Variants in IGF2R observed in about 807,000 individuals in gnomAD.
IGF2R encodes the protein cation-independent mannose-6-phosphate receptor.
A neutral mutation model predicts 270.6 loss-of-function variants in IGF2R; 91 were observed. The observed-to-expected ratio is 0.34, with a 90% confidence interval of 0.28 to 0.40. The LOEUF is 0.40. IGF2R is among the 10% of genes least tolerant of loss of function. IGF2R has a pLI of 1.00. For missense variants in IGF2R, 2,805 were observed against 3,188.3 expected (o/e 0.88, Z 2.90); for synonymous variants, 1,316 against 1,258.9 (o/e 1.05, Z -0.96).
rs2115251351 is a variant in IGF2R, at chr6:160,050,444, A to G, written c.2515-29A>G. On this transcript the variant is annotated intron_variant, in intron 18 of 47. Coordinates refer to ENST00000356956, the MANE Select transcript of IGF2R (RefSeq NM_000876.4). This position sits in a 1 kb window ranked among gnomAD's most constrained non-coding sequence, Gnocchi z 4.0. ...CGAATCGACTGTATCTTCAGGGGGAAAAGCCTAACAAGACTGGTTTTCTTG... is the reference window on the plus strand; with the variant it reads ...CGAATCGACTGTATCTTCAGGGGGAGAAGCCTAACAAGACTGGTTTTCTTG... 1 of 1,588,634 alleles carries G rather than the reference A, an allele frequency of 6.3e-7. No homozygotes were observed. Among genetic ancestry groups the G allele is most frequent in the Non-Finnish European group, 8.6e-7 (1 of 1,161,754 alleles).
rs779239028 is a variant in IGF2R, at chr6:160,071,892, G to A, written c.4444-18G>A. On this transcript the variant is annotated intron_variant, in intron 31 of 47. Transcript: ENST00000356956. ...TTTTTGCGTGATCCCTTCAGGACCT[G>A]TCTGTGCTTTGTTGTAGAACTCCAG... is the stretch of plus-strand genomic sequence containing the variant. 2.2e-5 allele frequency: 36 copies of A among 1,613,998 alleles called. No individual in the cohort carries two copies. Among genetic ancestry groups the A allele is most frequent in the Non-Finnish European group, 3.1e-5 (36 of 1,179,970 alleles).
rs7754312 is a variant in IGF2R at position 159,998,807 on chromosome 6, C to G, written c.289+7484C>G. 0.021 allele frequency among the ~76,000 whole-genome samples: 3,164 copies of G among 152,218 alleles called. 120 individuals carry two copies. Among genetic ancestry groups the G allele is most frequent in the African/African-American group, 0.073 (3,011 of 41,526 alleles). Reference sequence around the variant, plus strand: ...ATTCACAGTAGCATAGGGATAATCCCGAATCAAATCTAATTTGCATATACA... The same window carrying G: ...ATTCACAGTAGCATAGGGATAATCCGGAATCAAATCTAATTTGCATATACA... On this transcript the variant is annotated intron_variant, in intron 2 of 47. Transcript: ENST00000356956. This position sits in a 1 kb window ranked among gnomAD's most constrained non-coding sequence, Gnocchi z 4.1.
At chr6:160,076,400 C>T (rs925014594) in intron 36 of IGF2R, among the ~76,000 whole-genome samples, 6 of 152,070 alleles carry the variant, frequency 3.9e-5, no homozygotes, top group African/African-American at 9.7e-5. Context: ...ACAAAAGACC[C>T]CTGGAATCAG....
At chr6:160,078,040 C>G (rs1442476353) in intron 36 of IGF2R, among the ~76,000 whole-genome samples, 161 bp from the exon 37 acceptor site, 1 of 152,236 alleles carries the variant, frequency 6.6e-6, no homozygotes, top group Non-Finnish European at 1.5e-5. Context: ...ATGTCTGTGC[C>G]TTGAAGATGG....
chr6:159,994,722 G>A (rs1241584921), intron 2 of IGF2R, among the ~76,000 whole-genome samples: 1 of 152,094 alleles, frequency 6.6e-6, no homozygotes, highest in African/African-American at 2.4e-5. Flanking sequence ...GGAGCAGGTT[G>A]TTTAATGTTC....
In IGF2R at chr6:160,079,657, C is replaced by T. The variant is rs776404669; in HGVS notation, c.5556C>T (p.Asp1852=). The stretch of plus-strand genomic sequence containing the variant: ...GGCCAGAACAAGGAGGCTGTAAGGA[C>T]GGAGGAGTCTGTCTGCTCTCAGGCA... ...AVGPEQGGCK[D]GGVCLLSGTK... The change falls in exon 38 of 48, where the codon GAC becomes GAT. Residue 1852 remains aspartate (D), a synonymous_variant. Coordinates refer to ENST00000356956, the MANE Select transcript of IGF2R (RefSeq NM_000876.4). 2.4e-5 allele frequency: 37 copies of T among 1,568,958 alleles called. No homozygotes were observed. Among genetic ancestry groups the T allele is most frequent in the African/African-American group, 2.7e-5 (2 of 73,002 alleles).
At chr6:160,033,287 C>T (rs1196081355) in intron 9 of IGF2R, among the ~76,000 whole-genome samples, 180 bp downstream of exon 9, 2 of 152,196 alleles carry the variant, frequency 1.3e-5, no homozygotes, top group African/African-American at 2.4e-5. Context: ...CAGGCAGGCA[C>T]CACCATGCCT....
intron 20 of IGF2R, among the ~76,000 whole-genome samples, chr6:160,057,542 T>C (rs1211952051): frequency 2.0e-5 from 3 of 152,200 alleles, no homozygotes; most frequent in Non-Finnish European, 4.4e-5. Context: ...CACCGTCTCC[T>C]TCCCTGCATT....
Position 160,040,766 on chromosome 6 carries a change from A to G in IGF2R, c.1480+42A>G, listed in dbSNP as rs184003710. On this transcript the variant is annotated intron_variant, in intron 11 of 47. Coordinates refer to ENST00000356956, the MANE Select transcript of IGF2R (RefSeq NM_000876.4). ...CATGCGGGTCTTAGTCCACATGCTC[A>G]TGGAACATTTTCCCATGAGTACTTT... 2.2e-5 allele frequency: 35 copies of G among 1,566,674 alleles called. No homozygotes were observed. In the Admixed American group the frequency reaches 2.3e-4, roughly 11 times the overall value.
intron 19 of IGF2R, among the ~76,000 whole-genome samples, chr6:160,052,472 T>C (rs1341385386): frequency 6.6e-6 from 1 of 152,138 alleles, no homozygotes; most frequent in African/African-American, 2.4e-5. Flanking sequence ...TGCTCATGGA[T>C]AGGAAGAATC....
intron 10 of IGF2R, among the ~76,000 whole-genome samples, chr6:160,035,524 C>T (rs1777800688): frequency 6.6e-6 from 1 of 152,216 alleles, no homozygotes; most frequent in South Asian, 2.1e-4. Flanking sequence ...GGTCTTGCCA[C>T]TGGGAAGGCT....
At chr6:160,021,751 A>G (rs987359567) in intron 4 of IGF2R, among the ~76,000 whole-genome samples, 6 of 152,026 alleles carry the variant, frequency 3.9e-5, no homozygotes, top group African/African-American at 9.7e-5. Flanking sequence ...AGAGTTGCAG[A>G]AAAAAAAGAG....
chr6:160,024,904 C>A (rs531121378), intron 5 of IGF2R, among the ~76,000 whole-genome samples, 200 bp downstream of exon 5: 1 of 152,194 alleles, frequency 6.6e-6, no homozygotes, highest in Non-Finnish European at 1.5e-5. Flanking sequence ...TCCTCCCCAA[C>A]CCCTGTAGAT....
intron 4 of IGF2R, among the ~76,000 whole-genome samples, chr6:160,021,433 G>T (rs1255999444): frequency 7.9e-6 from 1 of 127,250 alleles, no homozygotes; most frequent in Non-Finnish European, 1.6e-5. Flanking sequence ...TCACACACCT[G>T]GGACTGTTGT....
intron 1 of IGF2R, among the ~76,000 whole-genome samples, chr6:159,973,448 A>T (rs972524449): frequency 2.0e-5 from 3 of 152,208 alleles, no homozygotes; most frequent in African/African-American, 7.2e-5. Context: ...GTTTAGGTAT[A>T]AATGCTAGAA....
At chr6:160,028,015 G>A (rs577789536) in intron 6 of IGF2R, among the ~76,000 whole-genome samples, 19 of 152,276 alleles carry the variant, frequency 1.2e-4, no homozygotes, top group African/African-American at 4.3e-4. Context: ...AAACTTGAGC[G>A]TAACCTGAGG....
In IGF2R at chr6:160,073,958, A is replaced by G. The variant is rs1484454938; in HGVS notation, c.5149A>G (p.Ile1717Val). Reference protein sequence around the residue: ...PAGAAVCKVPIDGPPIDIGRV... With the variant: ...PAGAAVCKVPVDGPPIDIGRV... ...CGGAGCCGCTGTGTGCAAAGTTCCT[A>G]TTGATGGTCCCCCCATAGTAAGTAT... Residue 1717 changes from isoleucine (I) to valine (V), a missense_variant, in exon 35 of 48, where the codon ATT (isoleucine) becomes GTT (valine). Transcript: ENST00000356956. 1.7e-5 allele frequency: 28 copies of G among 1,612,516 alleles called. No individual in the cohort carries two copies. Among genetic ancestry groups the G allele is most frequent in the Non-Finnish European group, 2.3e-5 (27 of 1,179,048 alleles).
chr6:160,056,391 G>A (rs371816549), intron 19 of IGF2R, 33 bp from the exon 20 acceptor site: 1 of 1,384,182 alleles, frequency 7.2e-7, no homozygotes, highest in Non-Finnish European at 1.0e-6. Context: ...CCATGTTACT[G>A]TATTGACTTT....
At chr6:160,005,534 T>G (rs1474854265) in intron 2 of IGF2R, 1 of 152,262 alleles carries the variant, frequency 6.6e-6, no homozygotes, top group Admixed American at 6.5e-5. Context: ...GCCGTGCGGC[T>G]GGGTCACTCC....
Sources: gnomAD v4.1 joint callset for allele counts (sites outside exome capture counted in the v4.1 genomes callset) on GRCh38, gnomAD v4.1.1 for gene constraint, Gnocchi (gnomAD v3.1) non-coding constraint, MANE v1.5 for transcripts, NCBI Gene and HGNC (gene_info 2026-07-23, HGNC 2026-07-21) for gene names.